The following ERCC6L2 variants were observed in gnomAD, a reference collection of about 807,000 sequenced individuals.
The protein encoded by ERCC6L2 is DNA excision repair protein ERCC-6-like 2.
In ERCC6L2, 77 loss-of-function variants were observed where a neutral mutation model predicts 132.0. The observed-to-expected ratio is 0.58, with a 90% CI of 0.49 to 0.71. The LOEUF (loss-of-function observed/expected upper bound fraction) is 0.71. ERCC6L2 is among the 30% of genes least tolerant of loss of function. The probability of loss-of-function intolerance (pLI) is 0.00; values close to 1 mark genes in which losing one functional copy is unlikely to be tolerated. For missense variants in ERCC6L2, 1,542 were observed against 1,837.6 expected, an observed-to-expected ratio of 0.84 and a Z score of 2.94; for synonymous variants, 583 against 632.4, an observed-to-expected ratio of 0.92 and a Z score of 1.17.
At chr9:95,956,894 C>T (rs1831631528) in intron 13 of ERCC6L2, among the ~76,000 whole-genome samples, 2 of 152,084 alleles carry the variant, frequency 1.3e-5, no homozygotes, top group Non-Finnish European at 2.9e-5. Context: ...CTTCTTTTTA[C>T]ACCAGGTAGA....
rs1833610408 is a variant in ERCC6L2, at chr9:96,000,036, A to T, written c.3493-4484A>T. On this transcript the variant is annotated intron_variant, in intron 17 of 18. Coordinates refer to ENST00000653738, the MANE Select transcript of ERCC6L2 (RefSeq NM_020207.7). ...CCCGAGTAGCTGGGATTACAGGCAC[A>T]TACCACCACACCCAGCCAATTTTTT... is the stretch of plus-strand genomic sequence containing the variant. Among the ~76,000 whole-genome samples, 7 of 151,754 alleles carry T rather than the reference A, an allele frequency of 4.6e-5. No homozygotes were observed. In the South Asian group the frequency reaches 1.5e-3, roughly 32 times the overall value.
In ERCC6L2 at chr9:95,994,528, C is replaced by A. The variant is rs546528285; in HGVS notation, c.3493-9992C>A. Among the ~76,000 whole-genome samples the A allele has an allele frequency of 1.6e-4, 25 of 152,274 alleles. No individual in the cohort carries two copies. In the South Asian group the frequency reaches 4.2e-3, roughly 25 times the overall value. ...AGCCAGCCCAGTAGATAGATCCATT[C>A]CACACTTGCTTAATAAAAGATTTCA... On this transcript the variant is annotated intron_variant, in intron 17 of 18. Coordinates refer to ENST00000653738, the MANE Select transcript of ERCC6L2 (RefSeq NM_020207.7).
rs1393758461 is a variant in ERCC6L2 at position 96,004,600 on chromosome 9, T to C, written c.3573T>C (p.Leu1191=). ...GQQPSEGSIS[L]PLYISNPVNQ... The stretch of plus-strand genomic sequence containing the variant: ...AACCGAGTGAAGGCAGCATTTCACT[T>C]CCTCTTTACATTTCAAATCCTGTAA... Residue 1191 remains leucine (L), a synonymous_variant, in exon 18 of 19, where the codon CTT becomes CTC. Coordinates refer to ENST00000653738, the MANE Select transcript of ERCC6L2 (RefSeq NM_020207.7). The C allele has an allele frequency of 2.3e-6, 3 of 1,315,802 alleles. No homozygotes were observed. The Admixed American group carries it at 6.7e-5, about 29-fold the overall frequency. 81.5% of individuals were successfully genotyped at this position (1,315,802 alleles called of 1,614,324 possible).
intron 19 of ERCC6L2, among the ~76,000 whole-genome samples, chr9:96,032,397 G>A (rs10760718): frequency 0.48 from 73,281 of 152,022 alleles, 17,757 homozygotes; most frequent in East Asian, 0.63. Context: ...GCGCCTCACC[G>A]TCTGTGTCAG....
intron 17 of ERCC6L2, among the ~76,000 whole-genome samples, chr9:95,982,957 C>G (rs1411104694): frequency 6.6e-6 from 1 of 152,094 alleles, no homozygotes; most frequent in African/African-American, 2.4e-5. Flanking sequence ...GTGATGATAC[C>G]AGGATTCATG....
rs554285736 is a variant in ERCC6L2 at position 95,985,511 on chromosome 9, T to C, written c.3492+7296T>C. Among the ~76,000 whole-genome samples the C allele has an allele frequency of 2.0e-5, 3 of 152,360 alleles. No homozygotes were observed. In the East Asian group the frequency reaches 5.8e-4, roughly 29 times the overall value. Reference sequence around the variant, plus strand: ...ATGCTGGTGTTCTTCATTGTCATTATATGTCATCTGTTGGCCATAATGCTG... The same window carrying C: ...ATGCTGGTGTTCTTCATTGTCATTACATGTCATCTGTTGGCCATAATGCTG... On this transcript the variant is annotated intron_variant, in intron 17 of 18. Transcript: ENST00000653738.
intron 20 of ERCC6L2, among the ~76,000 whole-genome samples, chr9:96,040,258 T>C (rs1834563802): frequency 6.6e-6 from 1 of 152,016 alleles, no homozygotes; most frequent in Non-Finnish European, 1.5e-5. Flanking sequence ...TGTCCCCTTT[T>C]TCTGGGCGTC....
intron 17 of ERCC6L2, among the ~76,000 whole-genome samples, chr9:95,984,205 CAT>C (rs750512624): frequency 1.3e-5 from 2 of 148,838 alleles, no homozygotes; most frequent in South Asian, 2.1e-4. Context: ...ACATCTCTAA[CAT>C]GTATATGGAT....
At chr9:95,899,596 A>ATGTG (rs1472081988) in intron 3 of ERCC6L2, among the ~76,000 whole-genome samples, 6 of 113,718 alleles carry the variant, frequency 5.3e-5, no homozygotes, top group African/African-American at 2.1e-4. Flanking sequence ...CTCTTTATAT[A>ATGTG]TATATGTGTG....
At chr9:95,912,371 A>G (rs1829381073) in intron 4 of ERCC6L2, among the ~76,000 whole-genome samples, 2 of 151,578 alleles carry the variant, frequency 1.3e-5, no homozygotes, top group South Asian at 2.1e-4. Flanking sequence ...CTAGATTCCA[A>G]CAGTTTTGTG....
intron 16 of ERCC6L2, among the ~76,000 whole-genome samples, chr9:95,975,748 T>G (rs1419496798): frequency 2.0e-5 from 3 of 152,016 alleles, no homozygotes; most frequent in African/African-American, 7.2e-5. Context: ...TTTTGTCACA[T>G]TCTCTCAAAT....
intron 12 of ERCC6L2, among the ~76,000 whole-genome samples, chr9:95,945,701 G>A (rs537573502): frequency 3.1e-4 from 47 of 152,236 alleles, no homozygotes; most frequent in Admixed American, 1.6e-3. Flanking sequence ...CAGTCCCTCC[G>A]TTCAGGGTCC....
intron 8 of ERCC6L2, among the ~76,000 whole-genome samples, 168 bp from the exon 9 acceptor site, chr9:95,923,091 TA>T (rs1829947212): frequency 6.6e-6 from 1 of 152,212 alleles, no homozygotes; most frequent in Admixed American, 6.5e-5. Flanking sequence ...GCCATACGTT[TA>T]ACATATAACT....
chr9:95,895,110 T>A (rs562529174), intron 2 of ERCC6L2, among the ~76,000 whole-genome samples: 1 of 152,194 alleles, frequency 6.6e-6, no homozygotes, highest in Admixed American at 6.5e-5. Context: ...TTTCAATAAA[T>A]TTTTCTTTAT....
At chr9:95,945,419 G>T (rs561918786) in intron 12 of ERCC6L2, among the ~76,000 whole-genome samples, 10 of 152,102 alleles carry the variant, frequency 6.6e-5, no homozygotes, top group Non-Finnish European at 1.3e-4. Flanking sequence ...CAAACAATTT[G>T]TGCAGTTAAC....
At chr9:95,965,980 C>T (rs1832135322) in intron 13 of ERCC6L2, among the ~76,000 whole-genome samples, 1 of 152,148 alleles carries the variant, frequency 6.6e-6, no homozygotes, top group South Asian at 2.1e-4. Context: ...GCAAATAGTG[C>T]ATATTAATGT....
chr9:95,907,928 A>AAGC lies in ERCC6L2; in HGVS notation c.788+660_788+662dup, dbSNP rs1234307286. On this transcript the variant is annotated intron_variant, in intron 4 of 18. Transcript: ENST00000653738. ...GGCCAAGAGGTAACACCAGTGAGAT[A>AAGC]AGCAGGGAAAAGATTATAGAGAGTA... Among the ~76,000 whole-genome samples the AAGC allele has an allele frequency of 2.7e-4, 41 of 151,312 alleles. 1 individual carries two copies. Among genetic ancestry groups the AAGC allele is most frequent in the Non-Finnish European group, 5.7e-4 (39 of 67,874 alleles).
chr9:95,989,808 A>G (rs1833229201), intron 17 of ERCC6L2, among the ~76,000 whole-genome samples: 1 of 152,236 alleles, frequency 6.6e-6, no homozygotes, highest in African/African-American at 2.4e-5. Flanking sequence ...CCATTTTATA[A>G]TAAAGCTGCC....
Position 95,875,847 on chromosome 9 carries a change from G to A in ERCC6L2, c.-192G>A, listed in dbSNP as rs1482480533. Reference sequence around the variant, plus strand: ...GGACGTCGCCCTCCCGTTCTGCTTGGGTCCCCTTAGTCGCTACCTTTGCTG... The same window carrying A: ...GGACGTCGCCCTCCCGTTCTGCTTGAGTCCCCTTAGTCGCTACCTTTGCTG... On this transcript the variant is annotated 5_prime_UTR_variant, in exon 1 of 19. Coordinates refer to ENST00000653738, the MANE Select transcript of ERCC6L2 (RefSeq NM_020207.7). 3 of 599,086 alleles carry A rather than the reference G, an allele frequency of 5.0e-6. No homozygotes were observed. In the East Asian group the frequency reaches 8.5e-5, roughly 17 times the overall value. The allele number at this position is 599,086 out of a possible 1,614,324, so 37.1% of individuals were successfully genotyped here.
Sources: allele counts gnomAD v4.1 joint callset (sites outside exome capture counted in the v4.1 genomes callset), GRCh38; gene constraint gnomAD v4.1.1; transcripts MANE v1.5; gene names NCBI Gene and HGNC (gene_info 2026-07-23, HGNC 2026-07-21).